Variants in HSP90AA1 observed in about 807,000 individuals in gnomAD.
HSP90AA1 encodes the protein heat shock protein 90 alpha family class A member 1.
A neutral mutation model predicts 73.3 loss-of-function variants in HSP90AA1; 18 were observed. That is an observed-to-expected ratio of 0.25 (90% CI 0.17 to 0.36). HSP90AA1 has a LOEUF of 0.36. HSP90AA1 is among the 10% of genes least tolerant of loss of function. The pLI is 1.00. For synonymous variants in HSP90AA1, 477 were observed against 296.9 expected (o/e 1.61, Z -6.24); for missense variants, 704 against 874.2 (o/e 0.81, Z 2.45).
At chr14:102,084,021 A>G (rs1566719121) in intron 6 of HSP90AA1, 38 bp from the exon 7 acceptor site, 2 of 1,504,154 alleles carry the variant, frequency 1.3e-6, no homozygotes, top group South Asian at 1.1e-5. Flanking sequence ...GAGTCATTCC[A>G]AGGACAAAAC....
Position 102,086,253 on chromosome 14 carries a change from C to T in HSP90AA1, c.126G>A (p.Glu42=), listed in dbSNP as rs747648136. ...LIINTFYSNK[E]IFLRELISNS... is the part of the protein sequence containing the mutation. ...TTGAAATGAGCTCTCTCAGAAAGAT[C>T]TCTTTGTTCGAGTAGAAAGTATTGA... The change falls in exon 2 of 11, where the codon GAG becomes GAA. Residue 42 remains glutamate, a synonymous_variant. Coordinates refer to ENST00000216281, the MANE Select transcript of HSP90AA1 (RefSeq NM_005348.4). The T allele has an allele frequency of 9.3e-6, 15 of 1,614,084 alleles. No homozygotes were observed. In the East Asian group the frequency reaches 2.5e-4, roughly 26 times the overall value.
chr14:102,100,757 T>A (rs2049482688), intron 2 of HSP90AA1, among the ~76,000 whole-genome samples: 1 of 152,214 alleles, frequency 6.6e-6, no homozygotes, highest in Non-Finnish European at 1.5e-5. Context: ...TGATTAGTAA[T>A]CCTATATTTT....
intron 2 of HSP90AA1, among the ~76,000 whole-genome samples, chr14:102,092,522 CCAGT>C (rs2049372703): frequency 6.6e-6 from 1 of 152,116 alleles, no homozygotes; most frequent in South Asian, 2.1e-4. Context: ...GAGAAAGATG[CCAGT>C]CAGTCATTTA....
intron 1 of HSP90AA1, among the ~76,000 whole-genome samples, chr14:102,132,752 A>C (rs1004029823): frequency 2.6e-5 from 4 of 151,818 alleles, no homozygotes; most frequent in Non-Finnish European, 4.4e-5. Flanking sequence ...TGAGGTCAGG[A>C]GTTCGAGACC....
chr14:102,112,453 C>T (rs555729623), intron 1 of HSP90AA1, among the ~76,000 whole-genome samples: 2 of 152,176 alleles, frequency 1.3e-5, no homozygotes, highest in East Asian at 1.9e-4. Flanking sequence ...GGGTTACGGG[C>T]GTGAGCCACC....
intron 1 of HSP90AA1, among the ~76,000 whole-genome samples, chr14:102,137,115 G>A (rs2050010472): frequency 6.6e-6 from 1 of 151,842 alleles, no homozygotes; most frequent in Non-Finnish European, 1.5e-5. Context: ...TCGGGAGACT[G>A]GGGCAGGAGA....
Position 102,082,355 on chromosome 14 carries a change from T to C in HSP90AA1, c.1845A>G (p.Lys615=), listed in dbSNP as rs2049118460. ...TTGAGTTGTCTCTTAGGGCTTGAGC[T>C]TTCATGATTCTCTCCATGTTTGCTG... ...GWTANMERIM[K]AQALRDNSTM... Residue 615 remains lysine (K), a synonymous_variant, in exon 10 of 11, where the codon AAA becomes AAG. Transcript: ENST00000216281. 1 of 1,614,048 alleles carries C rather than the reference T, an allele frequency of 6.2e-7. No homozygotes were observed. The highest frequency in any genetic ancestry group is 8.5e-7 in the Non-Finnish European group (1 of 1,179,902).
intron 1 of HSP90AA1, among the ~76,000 whole-genome samples, chr14:102,131,596 G>GT (rs2049907538): frequency 6.6e-6 from 1 of 152,190 alleles, no homozygotes; most frequent in Non-Finnish European, 1.5e-5. Flanking sequence ...CTCTGCTCTA[G>GT]TTTTTTCCTG....
At position 102,101,741 on chromosome 14, in the gene HSP90AA1, T is replaced by C. The variant is rs1595668723; in HGVS notation, c.366+134A>G. 4.1e-6 allele frequency: 3 copies of C among 737,158 alleles called. No individual in the cohort carries two copies. The East Asian group carries it at 8.1e-5, about 20-fold the overall frequency. 45.7% of individuals were successfully genotyped at this position (737,158 alleles called of 1,614,324 possible). Reference sequence around the variant, plus strand: ...AGTAGATGTCAATGCAGTGGATGGGTAGGCAGGGAATAAACAATAAAGAGA... The same window carrying C: ...AGTAGATGTCAATGCAGTGGATGGGCAGGCAGGGAATAAACAATAAAGAGA... On this transcript the variant is annotated intron_variant, in intron 2 of 11. Coordinates refer to the HSP90AA1 transcript ENST00000334701.
rs1262201959 is a variant in HSP90AA1, at chr14:102,110,097, C to T, written c.156-8012G>A. 7.2e-5 allele frequency among the ~76,000 whole-genome samples: 11 copies of T among 151,998 alleles called. No individual in the cohort carries two copies. In the South Asian group the frequency reaches 2.1e-3, roughly 29 times the overall value. On this transcript the variant is annotated intron_variant, in intron 1 of 11. Coordinates refer to the HSP90AA1 transcript ENST00000334701. Reference sequence around the variant, plus strand: ...TACAGGTGCCTGCCACCACGCCTGGCTAATTTTTTGTATTTTTAGTAGAGA... The same window carrying T: ...TACAGGTGCCTGCCACCACGCCTGGTTAATTTTTTGTATTTTTAGTAGAGA...
chr14:102,115,990 C>A (rs569206369), intron 1 of HSP90AA1, among the ~76,000 whole-genome samples: 1 of 143,182 alleles, frequency 7.0e-6, no homozygotes, highest in African/African-American at 2.6e-5. Flanking sequence ...CTTGCTCTGT[C>A]GCCCAGGCTA....
chr14:102,103,660 C>A (rs997812086), intron 1 of HSP90AA1, among the ~76,000 whole-genome samples: 1 of 151,838 alleles, frequency 6.6e-6, no homozygotes, highest in African/African-American at 2.4e-5. Flanking sequence ...AAAAATTAGC[C>A]GGGTATGGCA....
chr14:102,139,320 A>T (rs1286137962), exon 1 of HSP90AA1: 1 of 1,613,728 alleles, frequency 6.2e-7, no homozygotes, highest in African/African-American at 1.3e-5. Context: ...TCGCGCGGGT[A>T]TTCAGCACTC....
intron 1 of HSP90AA1, among the ~76,000 whole-genome samples, chr14:102,117,602 C>T (rs946762572): frequency 3.3e-5 from 5 of 152,140 alleles, no homozygotes; most frequent in Admixed American, 1.3e-4. Context: ...CAGGTCTCCT[C>T]GGGGCGGTTC....
intron 2 of HSP90AA1, among the ~76,000 whole-genome samples, chr14:102,098,961 A>G (rs1196740977): frequency 1.3e-5 from 2 of 152,230 alleles, no homozygotes; most frequent in African/African-American, 4.8e-5. Flanking sequence ...TGGATTATTA[A>G]GTAGAGCTGA....
chr14:102,093,736 G>A lies in HSP90AA1; in HGVS notation c.367-7358C>T, dbSNP rs189323755. Among the ~76,000 whole-genome samples, 423 of 152,222 alleles carry A rather than the reference G, an allele frequency of 2.8e-3. 3 individuals are homozygous for A. Among genetic ancestry groups the A allele is most frequent in the African/African-American group, 9.0e-3 (376 of 41,550 alleles). ...GCCTTTACTCCCAGCATTTTGGGAG[G>A]CCGAGGCGAGTGGATCACCTGAGGT... On this transcript the variant is annotated intron_variant, in intron 2 of 11. Transcript: ENST00000334701.
At chr14:102,109,545 C>G (rs911617758) in intron 1 of HSP90AA1, among the ~76,000 whole-genome samples, 1 of 152,214 alleles carries the variant, frequency 6.6e-6, no homozygotes, top group African/African-American at 2.4e-5. Flanking sequence ...ACTTGCTACT[C>G]CTTGCCTTCT....
At chr14:102,124,190 ATTT>A (rs35232557) in intron 1 of HSP90AA1, among the ~76,000 whole-genome samples, 2 of 128,136 alleles carry the variant, frequency 1.6e-5, no homozygotes. Context: ...TTGAATGCTA[ATTT>A]TTTTTTTTTT....
In HSP90AA1 at chr14:102,102,263, G is replaced by A. The variant is rs148876204; in HGVS notation, c.156-178C>T. Among the ~76,000 whole-genome samples the A allele has an allele frequency of 1.4e-3, 218 of 152,266 alleles. 3 individuals carry two copies. Among genetic ancestry groups the A allele is most frequent in the Middle Eastern group, 6.8e-3 (2 of 294 alleles). ...TCTCTTCCTGCAGGAAGTTCAACTT[G>A]GGAAATGGACCAGGGTCCCAGTAAG... On this transcript the variant is annotated intron_variant, in intron 1 of 11. Coordinates refer to the HSP90AA1 transcript ENST00000334701.
Sources: gnomAD v4.1 joint callset for allele counts (sites outside exome capture counted in the v4.1 genomes callset) on GRCh38, gnomAD v4.1.1 for gene constraint, MANE v1.5 for transcripts, NCBI Gene and HGNC (gene_info 2026-07-23, HGNC 2026-07-21) for gene names.